The following RPH3A variants were observed in gnomAD, a reference collection of about 807,000 sequenced individuals.
RPH3A encodes rabphilin 3A.
Under a neutral mutation model 102.2 loss-of-function variants are expected in RPH3A, and 48 were observed. The observed-to-expected ratio is 0.47, with a 90% CI of 0.37 to 0.60. The LOEUF is 0.60. Ranked by LOEUF, RPH3A falls within the 20% of genes least tolerant of loss-of-function variation. The pLI is 0.00. For synonymous variants in RPH3A, 310 were observed against 324.3 expected (o/e 0.96, Z 0.47); for missense variants, 781 against 910.1 (o/e 0.86, Z 1.83).
At chr12:112,828,038 T>G (rs2041909324) in intron 2 of RPH3A, among the ~76,000 whole-genome samples, 1 of 152,106 alleles carries the variant, frequency 6.6e-6, no homozygotes, top group Non-Finnish European at 1.5e-5. Context: ...CCCTCAACAT[T>G]CCCTCAACAG....
chr12:112,643,469 TCATC>T (rs1217218953), intron 1 of RPH3A, among the ~76,000 whole-genome samples: 3 of 152,256 alleles, frequency 2.0e-5, no homozygotes, highest in Non-Finnish European at 4.4e-5. Flanking sequence ...AGTATTTTGT[TCATC>T]CATTCATTCA....
intron 2 of RPH3A, among the ~76,000 whole-genome samples, chr12:112,826,497 T>G (rs140681089): frequency 1.3e-5 from 2 of 152,284 alleles, no homozygotes; most frequent in Admixed American, 1.3e-4. Context: ...CTTGATGGCC[T>G]TTGCAGATGT....
At chr12:112,875,983 T>G (rs2042792234) in intron 12 of RPH3A, among the ~76,000 whole-genome samples, 1 of 152,234 alleles carries the variant, frequency 6.6e-6, no homozygotes, top group Non-Finnish European at 1.5e-5. Context: ...GCCCCTTCAC[T>G]TCCTGGCTGT....
chr12:112,631,517 T>G (rs547598424), intron 1 of RPH3A, among the ~76,000 whole-genome samples: 2 of 152,168 alleles, frequency 1.3e-5, no homozygotes, highest in South Asian at 4.1e-4. Context: ...ATTTTCTTAT[T>G]AAAAATTTTT....
At chr12:112,712,879 TTTCTTCTTCTTCTTCTTCTTCTTCCTC>T (rs2040473100) in intron 1 of RPH3A, among the ~76,000 whole-genome samples, 5 of 136,746 alleles carry the variant, frequency 3.7e-5, no homozygotes, top group African/African-American at 1.6e-4. Context: ...CTCACTTTTT[TTTCTTCTTCTTCTTCTTCTTCTTCCTC>T]TTCTTCTTCT....
At chr12:112,820,481 G>T (rs1349117181) in intron 2 of RPH3A, among the ~76,000 whole-genome samples, 1 of 152,174 alleles carries the variant, frequency 6.6e-6, no homozygotes, top group Non-Finnish European at 1.5e-5. Flanking sequence ...GGGTGGGTAA[G>T]TCACTTAGTC....
intron 1 of RPH3A, among the ~76,000 whole-genome samples, chr12:112,677,395 CTCCCTCCCTCCCTCCTTCCCTCCTTCCT>C (rs2040185688): frequency 1.5e-5 from 1 of 67,226 alleles, no homozygotes; most frequent in African/African-American, 5.3e-5. Flanking sequence ...CCCTCCCTCC[CTCCCTCCCTCCCTCCTTCCCTCCTTCCT>C]TCCTTCCTTC....
intron 1 of RPH3A, among the ~76,000 whole-genome samples, chr12:112,728,184 A>G (rs2040608554): frequency 6.6e-6 from 1 of 152,134 alleles, no homozygotes; most frequent in African/African-American, 2.4e-5. Context: ...TGCTGGGAAC[A>G]AAAGGTGGGA....
intron 14 of RPH3A, 47 bp downstream of exon 14, chr12:112,879,245 T>A: frequency 6.6e-7 from 1 of 1,523,952 alleles, no homozygotes; most frequent in Non-Finnish European, 9.1e-7. Flanking sequence ...TGCTCTGGCA[T>A]GGCTAGGAGA....
Position 112,847,840 on chromosome 12 carries a change from C to A in RPH3A, c.228C>A (p.Ile76=). 6.2e-7 allele frequency: 1 copy of A among 1,613,894 alleles called. No homozygotes were observed. The highest frequency in any genetic ancestry group is 8.5e-7 in the Non-Finnish European group (1 of 1,179,906). The change falls in exon 5 of 22, where the codon ATC becomes ATA. Residue 76 remains isoleucine (I), a splice_region_variant and synonymous_variant. Coordinates refer to ENST00000389385, the MANE Select transcript of RPH3A (RefSeq NM_001143854.2). The part of the protein sequence containing the change: ...EKMEEMEQER[I]GRLVDRLENM... ...TGGAAGAGATGGAGCAGGAGCGAAT[C>A]GGGTGAGGCTTAACGCTTCCCATTC...
chr12:112,826,155 G>A (rs1012308306), intron 2 of RPH3A, among the ~76,000 whole-genome samples: 4 of 152,136 alleles, frequency 2.6e-5, no homozygotes, highest in Non-Finnish European at 5.9e-5. Flanking sequence ...CTTGGACGAG[G>A]TGCATTTAGG....
intron 14 of RPH3A, among the ~76,000 whole-genome samples, chr12:112,880,885 T>C (rs542818865): frequency 2.0e-5 from 3 of 152,322 alleles, no homozygotes; most frequent in African/African-American, 7.2e-5. Context: ...AGATAATATA[T>C]ATTTACTATT....
chr12:112,877,739 AC>A (rs568118354), intron 13 of RPH3A, among the ~76,000 whole-genome samples: 21 of 152,166 alleles, frequency 1.4e-4, no homozygotes, highest in Non-Finnish European at 2.4e-4. Context: ...AAACTGAGAT[AC>A]CTTCTGGGAA....
Position 112,870,009 on chromosome 12 carries a change from G to C in RPH3A, c.766G>C (p.Gly256Arg). 1.2e-6 allele frequency: 2 copies of C among 1,614,058 alleles called. No homozygotes were observed. Among genetic ancestry groups the C allele is most frequent in the Non-Finnish European group, 1.7e-6 (2 of 1,180,006 alleles). ...RDSESWDHSG[G>R]AGDSSRSPAG... is the part of the protein sequence containing the mutation. Reference sequence around the variant, plus strand: ...TTCAGAGAGCTGGGACCACAGTGGGGGTGCTGGAGACTCCAGCCGGAGCCC... The same window carrying C: ...TTCAGAGAGCTGGGACCACAGTGGGCGTGCTGGAGACTCCAGCCGGAGCCC... Residue 256 changes from glycine (G) to arginine (R), a missense_variant, in exon 10 of 22, where the codon GGT becomes CGT. Transcript: ENST00000389385.
At chr12:112,675,183 TTTG>T (rs1229504650) in intron 1 of RPH3A, among the ~76,000 whole-genome samples, 2 of 152,322 alleles carry the variant, frequency 1.3e-5, no homozygotes, top group East Asian at 1.9e-4. Context: ...AAGAGTTTTT[TTTG>T]TTGTTGTTGT....
At chr12:112,659,644 A>C (rs1382801251) in intron 1 of RPH3A, among the ~76,000 whole-genome samples, 1 of 152,156 alleles carries the variant, frequency 6.6e-6, no homozygotes, top group African/African-American at 2.4e-5. Flanking sequence ...ATTTTGTGGG[A>C]GATACTTTGA....
chr12:112,862,590 A>T (rs1292596356), intron 5 of RPH3A, among the ~76,000 whole-genome samples: 3 of 152,064 alleles, frequency 2.0e-5, no homozygotes, highest in Non-Finnish European at 1.5e-5. Flanking sequence ...ACTTCTAGGG[A>T]AGATGGGGTG....
intron 2 of RPH3A, among the ~76,000 whole-genome samples, chr12:112,819,259 C>A (rs1187669663): frequency 6.6e-6 from 1 of 152,020 alleles, no homozygotes; most frequent in Non-Finnish European, 1.5e-5. Flanking sequence ...GCATGCACCA[C>A]CATGCCCAAC....
chr12:112,893,656 T>A (rs141119608), intron 19 of RPH3A: 2,160 of 152,282 alleles, frequency 0.014, 66 homozygotes, highest in African/African-American at 0.05. Flanking sequence ...GCTTCCTGAG[T>A]ACCTGGGACT....
Sources: gnomAD v4.1 joint callset for allele counts (sites outside exome capture counted in the v4.1 genomes callset) on GRCh38, gnomAD v4.1.1 for gene constraint, MANE v1.5 for transcripts, NCBI Gene and HGNC (gene_info 2026-07-23, HGNC 2026-07-21) for gene names.